The following MAD1L1 variants were observed in gnomAD, a reference collection of about 807,000 sequenced individuals.
MAD1L1 encodes the protein mitotic arrest deficient 1 like 1, also known as mitotic spindle assembly checkpoint protein MAD1.
A neutral mutation model predicts 96.9 loss-of-function variants in MAD1L1; 95 were observed. The observed-to-expected ratio is 0.98, with a 90% confidence interval of 0.83 to 1.16. The LOEUF (loss-of-function observed/expected upper bound fraction) is 1.16. MAD1L1 is among the 50% of genes most tolerant of loss of function. MAD1L1 has a pLI of 0.00. For synonymous variants in MAD1L1, 473 were observed against 396.6 expected (o/e 1.19, Z -2.29); for missense variants, 1,007 against 954.4 (o/e 1.06, Z -0.73).
intron 11 of MAD1L1, among the ~76,000 whole-genome samples, chr7:2,118,752 G>A (rs1373173857): frequency 1.3e-5 from 2 of 152,120 alleles, no homozygotes; most frequent in African/African-American, 2.4e-5. Context: ...CTTCCTTCCG[G>A]ATAAGGGGCT....
In MAD1L1 at chr7:1,898,280, G is replaced by T; in HGVS notation, c.1918C>A (p.Gln640Lys). The T allele has an allele frequency of 6.2e-7, 1 of 1,614,152 alleles. No homozygotes were observed. The highest frequency in any genetic ancestry group is 8.5e-7 in the Non-Finnish European group (1 of 1,180,032). Residue 640 changes from glutamine to lysine, a missense_variant, in exon 18 of 19, where the codon CAG (glutamine) becomes AAG (lysine). Transcript: ENST00000265854. ...TGGTTCTCCGTGGTGATGTCGATCTGGTAGCCGGTGAGCGTGTAGCAGGCC... is the reference window on the plus strand; with the variant it reads ...TGGTTCTCCGTGGTGATGTCGATCTTGTAGCCGGTGAGCGTGTAGCAGGCC... ...RKACYTLTGY[Q>K]IDITTENQYR...
intron 12 of MAD1L1, among the ~76,000 whole-genome samples, chr7:2,029,756 C>T (rs1442813138): frequency 2.0e-5 from 3 of 151,816 alleles, no homozygotes; most frequent in Admixed American, 6.6e-5. Context: ...TGGTGGCAGG[C>T]GCAGGGCACT....
intron 10 of MAD1L1, among the ~76,000 whole-genome samples, chr7:2,183,769 G>C: frequency 6.6e-6 from 1 of 151,964 alleles, no homozygotes. Context: ...GGGGGAGCGG[G>C]GAGGGACAGC....
intron 13 of MAD1L1, among the ~76,000 whole-genome samples, chr7:2,010,318 CA>C (rs1782238644): frequency 1.3e-5 from 2 of 152,108 alleles, no homozygotes. Context: ...AAGACGGAAA[CA>C]CCGTGACGGC....
intron 17 of MAD1L1, among the ~76,000 whole-genome samples, chr7:1,899,874 C>T (rs1206232358): frequency 6.6e-6 from 1 of 152,188 alleles, no homozygotes; most frequent in African/African-American, 2.4e-5. Context: ...AGGTGCAAAC[C>T]AGAAGCCCTC....
At chr7:2,169,160 G>A (rs138798506) in intron 10 of MAD1L1, among the ~76,000 whole-genome samples, 3 of 152,272 alleles carry the variant, frequency 2.0e-5, no homozygotes, top group African/African-American at 4.8e-5. Flanking sequence ...AAGGACATTC[G>A]GGACCTATGA....
intron 10 of MAD1L1, among the ~76,000 whole-genome samples, chr7:2,158,536 G>C (rs1789950867): frequency 2.6e-5 from 4 of 152,236 alleles, no homozygotes. Context: ...AGCGACACAG[G>C]CTGTCTCTGC....
rs543920514 is a variant in MAD1L1, at chr7:1,956,458, C to A, written c.1596+1171G>T. On this transcript the variant is annotated intron_variant, in intron 16 of 18. Coordinates refer to ENST00000265854, the MANE Select transcript of MAD1L1 (RefSeq NM_001013836.2). ...GGCTAGGCTCGAGGTCACCATATCA[C>A]GGCATAAACATCTGCTTCCCCAGGA... Among the ~76,000 whole-genome samples the A allele has an allele frequency of 7.9e-4, 121 of 152,318 alleles. 1 individual carries two copies. The highest frequency in any genetic ancestry group is 3.4e-3 in the Middle Eastern group (1 of 294).
chr7:2,045,752 G>A (rs962408250), intron 12 of MAD1L1, among the ~76,000 whole-genome samples: 13 of 152,032 alleles, frequency 8.6e-5, no homozygotes, highest in Admixed American at 2.0e-4. Flanking sequence ...GGAGGGGAGC[G>A]GGACATGGGA....
chr7:1,879,120 A>T (rs1200322641), intron 18 of MAD1L1, among the ~76,000 whole-genome samples: 1 of 152,218 alleles, frequency 6.6e-6, no homozygotes, highest in Non-Finnish European at 1.5e-5. Context: ...GAAGGTAAAG[A>T]CCTATATAAA....
intron 10 of MAD1L1, among the ~76,000 whole-genome samples, chr7:2,184,921 G>A (rs1057082409): frequency 1.3e-5 from 2 of 152,140 alleles, no homozygotes; most frequent in African/African-American, 2.4e-5. Flanking sequence ...AGACTCACTC[G>A]AACCCAGGAG....
intron 17 of MAD1L1, among the ~76,000 whole-genome samples, chr7:1,916,903 T>A (rs1788438993): frequency 6.6e-6 from 1 of 151,714 alleles, no homozygotes; most frequent in African/African-American, 2.4e-5. Context: ...GCACCCCCAT[T>A]CACCTACGAG....
At chr7:2,213,423 C>T in intron 9 of MAD1L1, 150 bp from the exon 10 acceptor site, 1 of 713,310 alleles carries the variant, frequency 1.4e-6, no homozygotes, top group South Asian at 1.6e-5. Flanking sequence ...TCCAAGTCTG[C>T]TTGGAAGTGG....
chr7:1,880,415 C>T (rs1785618598), intron 18 of MAD1L1, among the ~76,000 whole-genome samples: 1 of 152,124 alleles, frequency 6.6e-6, no homozygotes, highest in South Asian at 2.1e-4. Flanking sequence ...CTGCAGAGCC[C>T]AAACTTGAGG....
chr7:2,050,092 AGCGTCTGCGGGC>A (rs1314916722), intron 12 of MAD1L1, among the ~76,000 whole-genome samples: 1 of 125,924 alleles, frequency 7.9e-6, no homozygotes. Context: ...CACCTCACCC[AGCGTCTGCGGGC>A]ACCAGACCAC....
chr7:1,910,610 G>A (rs959266396), intron 17 of MAD1L1, among the ~76,000 whole-genome samples: 1 of 152,168 alleles, frequency 6.6e-6, no homozygotes, highest in South Asian at 2.1e-4. Context: ...GTGGTCTTCT[G>A]GGCACCCCAC....
At chr7:2,156,296 T>C (rs1340070528) in intron 10 of MAD1L1, among the ~76,000 whole-genome samples, 3 of 151,652 alleles carry the variant, frequency 2.0e-5, no homozygotes, top group African/African-American at 7.3e-5. Context: ...TCACGGCGCG[T>C]GTGGCGAGGG....
chr7:1,984,183 CAG>C (rs1781046636), intron 14 of MAD1L1, among the ~76,000 whole-genome samples: 1 of 152,180 alleles, frequency 6.6e-6, no homozygotes, highest in Non-Finnish European at 1.5e-5. Context: ...GTTTAAGACA[CAG>C]TGTTTTGTTC....
At chr7:1,920,213 C>T (rs1788692054) in intron 17 of MAD1L1, among the ~76,000 whole-genome samples, 5 of 152,248 alleles carry the variant, frequency 3.3e-5, no homozygotes. Flanking sequence ...CGTGAGCCAA[C>T]TCCCTGTAAC....
Sources: allele counts gnomAD v4.1 joint callset (sites outside exome capture counted in the v4.1 genomes callset), GRCh38; gene constraint gnomAD v4.1.1; transcripts MANE v1.5; gene names NCBI Gene and HGNC (gene_info 2026-07-23, HGNC 2026-07-21).